MBNL1: variants seen among roughly 807,000 people sequenced by gnomAD.
MBNL1 encodes the protein muscleblind-like protein 1.
Under a neutral mutation model 42.2 loss-of-function variants are expected in MBNL1, and 8 were observed. The ratio of observed to expected loss-of-function variants is 0.19; its 90% CI spans 0.11 to 0.34. MBNL1 has a LOEUF of 0.34. MBNL1 is among the 10% of genes least tolerant of loss of function. MBNL1 has a pLI of 1.00. For synonymous variants in MBNL1, 169 were observed against 173.9 expected (o/e 0.97, Z 0.22); for missense variants, 309 against 495.3 (o/e 0.62, Z 3.57).
At chr3:152,377,444 G>GCCATA in intron 2 of MBNL1, among the ~76,000 whole-genome samples, 1 of 152,266 alleles carries the variant, frequency 6.6e-6, no homozygotes, top group South Asian at 2.1e-4. Context: ...TAGACCGTTA[G>GCCATA]TAAATTAACC....
intron 2 of MBNL1, among the ~76,000 whole-genome samples, chr3:152,325,635 G>T (rs1473898950): frequency 6.6e-6 from 1 of 150,796 alleles, no homozygotes; most frequent in Non-Finnish European, 1.5e-5. Flanking sequence ...TACAGATATG[G>T]ACATTTATGT....
chr3:152,301,302 T>A (rs1560053440), intron 2 of MBNL1, among the ~76,000 whole-genome samples: 1 of 152,226 alleles, frequency 6.6e-6, no homozygotes, highest in African/African-American at 2.4e-5. Context: ...CTGGGTACTT[T>A]CAGCCTACTT....
chr3:152,326,345 T>G (rs1199467649), intron 2 of MBNL1, among the ~76,000 whole-genome samples: 1 of 152,200 alleles, frequency 6.6e-6, no homozygotes, highest in East Asian at 1.9e-4. Context: ...AGGTTCTGTA[T>G]ACTTTCTATT....
intron 8 of MBNL1, among the ~76,000 whole-genome samples, chr3:152,456,946 C>G (rs535849290): frequency 6.6e-6 from 1 of 151,938 alleles, no homozygotes; most frequent in Non-Finnish European, 1.5e-5. Context: ...CCTAAGCGCT[C>G]TTATTTTTAT....
At chr3:152,325,622 T>C (rs1412517922) in intron 2 of MBNL1, among the ~76,000 whole-genome samples, 2 of 152,130 alleles carry the variant, frequency 1.3e-5, no homozygotes, top group Non-Finnish European at 2.9e-5. Context: ...ATTATTTTCA[T>C]GCTACAGATA....
intron 2 of MBNL1, among the ~76,000 whole-genome samples, chr3:152,246,896 G>A (rs1451633144): frequency 1.3e-5 from 2 of 152,128 alleles, no homozygotes; most frequent in East Asian, 3.9e-4. Context: ...CCTTCCCAAA[G>A]TTGCTCATCT....
At chr3:152,408,306 C>A (rs1226641936) in intron 2 of MBNL1, among the ~76,000 whole-genome samples, 1 of 151,930 alleles carries the variant, frequency 6.6e-6, no homozygotes, top group East Asian at 1.9e-4. Flanking sequence ...ATAACAGCAT[C>A]AAAACAGTGA....
At chr3:152,326,984 T>G (rs1407746078) in intron 2 of MBNL1, among the ~76,000 whole-genome samples, 1 of 151,752 alleles carries the variant, frequency 6.6e-6, no homozygotes, top group Non-Finnish European at 1.5e-5. Context: ...TTTGTGTGTA[T>G]TTTTAGTAGA....
intron 2 of MBNL1, among the ~76,000 whole-genome samples, chr3:152,406,853 TC>T (rs2098440948): frequency 6.6e-6 from 1 of 152,166 alleles, no homozygotes; most frequent in Non-Finnish European, 1.5e-5. Context: ...GCTAGAAAAG[TC>T]TAACCTAAAA....
chr3:152,411,442 C>G lies in MBNL1; in HGVS notation c.175-3499C>G, dbSNP rs577348935. Among the ~76,000 whole-genome samples the G allele has an allele frequency of 2.0e-5, 3 of 152,154 alleles. No individual in the cohort carries two copies. The East Asian group carries it at 5.8e-4, about 29-fold the overall frequency. On this transcript the variant is annotated intron_variant, in intron 2 of 9. Transcript: ENST00000324210. ...GGCTGAGAAAGGAGAATGGTGTGAA[C>G]CCAGGAGGCGGAGCTTGCAGTGAGC...
intron 2 of MBNL1, among the ~76,000 whole-genome samples, chr3:152,308,819 G>GTT (rs991781874): frequency 7.0e-6 from 1 of 141,892 alleles, no homozygotes; most frequent in African/African-American, 2.6e-5. Flanking sequence ...GTTTTGTTTT[G>GTT]TTTTTTTTTT....
chr3:152,374,000 C>A (rs1363354337), intron 2 of MBNL1, among the ~76,000 whole-genome samples: 1 of 152,058 alleles, frequency 6.6e-6, no homozygotes, highest in African/African-American at 2.4e-5. Flanking sequence ...AGGGAATAGG[C>A]TAGAACATTT....
At chr3:152,459,979 C>A (rs943163118) in intron 9 of MBNL1, among the ~76,000 whole-genome samples, 1 of 151,410 alleles carries the variant, frequency 6.6e-6, no homozygotes, top group African/African-American at 2.4e-5. Context: ...TTTGGCTAAG[C>A]GTGGTGGCTC....
intron 1 of MBNL1, among the ~76,000 whole-genome samples, chr3:152,289,414 C>G (rs1161893748): frequency 1.3e-5 from 2 of 152,048 alleles, no homozygotes; most frequent in Non-Finnish European, 2.9e-5. Context: ...GTGAAACCTT[C>G]TTCCAAGGAT....
intron 4 of MBNL1, among the ~76,000 whole-genome samples, chr3:152,444,375 A>G (rs1458146690): frequency 6.6e-6 from 1 of 152,212 alleles, no homozygotes; most frequent in African/African-American, 2.4e-5. Flanking sequence ...ATATAAAACA[A>G]ACAGACATAA....
intron 1 of MBNL1, among the ~76,000 whole-genome samples, chr3:152,282,015 T>C (rs2048798636): frequency 6.6e-6 from 1 of 152,156 alleles, no homozygotes; most frequent in African/African-American, 2.4e-5. Context: ...CCATAAATGA[T>C]TGTGAAGTGG....
intron 4 of MBNL1, among the ~76,000 whole-genome samples, chr3:152,436,827 G>A (rs898581718): frequency 6.6e-6 from 1 of 152,110 alleles, no homozygotes; most frequent in Non-Finnish European, 1.5e-5. Flanking sequence ...CAGCACAAAC[G>A]GTTACAACTG....
intron 2 of MBNL1, among the ~76,000 whole-genome samples, chr3:152,352,302 T>G (rs1262610032): frequency 1.3e-5 from 2 of 152,204 alleles, no homozygotes; most frequent in African/African-American, 4.8e-5. Flanking sequence ...ACTAATCACT[T>G]AAAACACTGG....
chr3:152,311,794 A>G (rs928344239), intron 2 of MBNL1, among the ~76,000 whole-genome samples: 7 of 152,256 alleles, frequency 4.6e-5, no homozygotes, highest in African/African-American at 1.7e-4. Flanking sequence ...ATGATATGGC[A>G]TAAAGAGCAT....
Sources: gnomAD v4.1 joint callset for allele counts (sites outside exome capture counted in the v4.1 genomes callset) on GRCh38, gnomAD v4.1.1 for gene constraint, MANE v1.5 for transcripts, NCBI Gene and HGNC (gene_info 2026-07-23, HGNC 2026-07-21) for gene names.